USP47: variants seen among roughly 807,000 people sequenced by gnomAD.
USP47 encodes the protein ubiquitin specific peptidase 47, also known as ubiquitin carboxyl-terminal hydrolase 47.
In USP47, 35 loss-of-function variants were observed where a neutral mutation model predicts 165.1. The observed-to-expected ratio is 0.21, with a 90% CI of 0.16 to 0.28. The LOEUF (loss-of-function observed/expected upper bound fraction) is 0.28, where lower values mean the gene tolerates loss of function less well. Ranked by LOEUF, USP47 falls within the 10% of genes least tolerant of loss-of-function variation. USP47 has a pLI of 1.00. For missense variants in USP47, 1,277 were observed against 1,607.4 expected (o/e 0.79, Z 3.52); for synonymous variants, 531 against 544.5 (o/e 0.98, Z 0.35).
chr11:11,948,778 A>G (rs897192040), intron 22 of USP47: 16 of 397,008 alleles, frequency 4.0e-5, no homozygotes, highest in Middle Eastern at 6.7e-4. Context: ...TGAGATGGCT[A>G]TGTCTCAACA....
At chr11:11,863,141 T>G (rs906897028) in intron 1 of USP47, among the ~76,000 whole-genome samples, 9 of 152,210 alleles carry the variant, frequency 5.9e-5, no homozygotes, top group Admixed American at 5.2e-4. Context: ...TAGAGATTGT[T>G]TATTAGAAAG....
chr11:11,914,614 G>A (rs10765905), intron 8 of USP47, among the ~76,000 whole-genome samples: 32,992 of 151,658 alleles, frequency 0.22, 4,294 homozygotes, highest in Non-Finnish European at 0.29. Context: ...ATATTTGCAA[G>A]CTGTCTATCT....
At chr11:11,873,364 T>A (rs1011361665) in intron 1 of USP47, among the ~76,000 whole-genome samples, 3 of 152,138 alleles carry the variant, frequency 2.0e-5, no homozygotes, top group Non-Finnish European at 4.4e-5. Context: ...GAAGGAGATA[T>A]ATATTAAAAT....
intron 1 of USP47, among the ~76,000 whole-genome samples, chr11:11,853,323 T>G (rs1446638284): frequency 6.6e-6 from 1 of 152,210 alleles, no homozygotes; most frequent in Non-Finnish European, 1.5e-5. Flanking sequence ...TCAGGCAGCA[T>G]GTGTAGGTGG....
chr11:11,864,877 A>G (rs1329223282), intron 1 of USP47, among the ~76,000 whole-genome samples: 1 of 151,976 alleles, frequency 6.6e-6, no homozygotes, highest in East Asian at 1.9e-4. Flanking sequence ...TCATCTGAGA[A>G]TGTCTTGATT....
At chr11:11,899,193 G>T (rs1852035320) in intron 5 of USP47, among the ~76,000 whole-genome samples, 1 of 152,200 alleles carries the variant, frequency 6.6e-6, no homozygotes, top group Non-Finnish European at 1.5e-5. Flanking sequence ...AGAGTTCAGA[G>T]CCTGCTCTCA....
chr11:11,909,682 T>G (rs1852823342), intron 8 of USP47, among the ~76,000 whole-genome samples: 1 of 152,208 alleles, frequency 6.6e-6, no homozygotes, highest in South Asian at 2.1e-4. Context: ...TTACGTACAT[T>G]TAAATACCTG....
Position 11,867,957 on chromosome 11 carries a change from C to G in USP47, c.40-12220C>G, listed in dbSNP as rs553680690. On this transcript the variant is annotated intron_variant, in intron 1 of 27. Transcript: ENST00000527733. The stretch of plus-strand genomic sequence containing the variant: ...TCATGAAGACCAGCATGTGGTTGCA[C>G]GTTCTTAGGAGTACCCTCCTCCCAT... 6.6e-5 allele frequency among the ~76,000 whole-genome samples: 10 copies of G among 152,142 alleles called. No individual in the cohort carries two copies. In the South Asian group the frequency reaches 1.9e-3, roughly 28 times the overall value.
intron 1 of USP47, among the ~76,000 whole-genome samples, chr11:11,857,325 C>A (rs1347001762): frequency 1.3e-5 from 2 of 151,884 alleles, no homozygotes; most frequent in African/African-American, 4.8e-5. Flanking sequence ...TATTTTATAT[C>A]TATTTATAGT....
At chr11:11,954,752 G>A in intron 25 of USP47, 145 bp from the exon 26 acceptor site, 1 of 854,038 alleles carries the variant, frequency 1.2e-6, no homozygotes, top group Non-Finnish European at 1.8e-6. Flanking sequence ...TATTTGCAGG[G>A]TGGCCGCTTT....
At position 11,942,580 on chromosome 11, in the gene USP47, A is replaced by C. The variant is rs768170066; in HGVS notation, c.2559A>C (p.Leu853=). 2 of 1,613,554 alleles carry C rather than the reference A, an allele frequency of 1.2e-6. No individual in the cohort carries two copies. The highest frequency in any genetic ancestry group is 1.7e-6 in the Non-Finnish European group (2 of 1,179,742). ...VGSLKSVEAI[L]EESTEKLKSL... Reference sequence around the variant, plus strand: ...GCCTAAAGTCTGTGGAAGCTATTCTAGAAGAAAGCACTGAAAAACTCAAAA... The same window carrying C: ...GCCTAAAGTCTGTGGAAGCTATTCTCGAAGAAAGCACTGAAAAACTCAAAA... The change falls in exon 20 of 28, where the codon CTA becomes CTC. Residue 853 remains leucine (L), a synonymous_variant. Transcript: ENST00000527733.
chr11:11,905,805 T>C (rs936909488), intron 8 of USP47, among the ~76,000 whole-genome samples: 1 of 143,392 alleles, frequency 7.0e-6, no homozygotes, highest in African/African-American at 2.7e-5. Context: ...GATAGGTGAT[T>C]AGATGATTTC....
intron 1 of USP47, among the ~76,000 whole-genome samples, chr11:11,879,785 A>C (rs1342290828): frequency 6.6e-6 from 1 of 152,050 alleles, no homozygotes; most frequent in Non-Finnish European, 1.5e-5. Flanking sequence ...ACCCAGAAAT[A>C]TTTGATTTGA....
At chr11:11,885,558 A>G (rs143689902) in intron 3 of USP47, among the ~76,000 whole-genome samples, 3,032 of 152,186 alleles carry the variant, frequency 0.02, 330 homozygotes, top group Admixed American at 0.18. Flanking sequence ...AGCCCACGCC[A>G]CCAGGGTCTT....
chr11:11,877,803 CTCTGTGTGTGTGTGTGTGTG>C (rs1367088571), intron 1 of USP47, among the ~76,000 whole-genome samples: 2 of 42,994 alleles, frequency 4.7e-5, no homozygotes, highest in African/African-American at 1.6e-4. Context: ...CTCTCTCTCT[CTCTGTGTGTGTGTGTGTGTG>C]TGTGTGTGTG....
In USP47 at chr11:11,929,532, G is replaced by A. The variant is rs1186231628; in HGVS notation, c.1485G>A (p.Gln495=). ...GTATAAAGTCATTCAGTGATGAGCA[G>A]TGGTACAGCTTCAATGATCAACATG... ...YACIKSFSDE[Q]WYSFNDQHVS... The change falls in exon 12 of 28, where the codon CAG becomes CAA. Residue 495 remains glutamine, a synonymous_variant. Coordinates refer to ENST00000527733, the MANE Select transcript of USP47 (RefSeq NM_001282659.2). 1 of 1,613,118 alleles carries A rather than the reference G, an allele frequency of 6.2e-7. No individual in the cohort carries two copies. The highest frequency in any genetic ancestry group is 8.5e-7 in the Non-Finnish European group (1 of 1,179,360).
At chr11:11,857,765 G>C (rs997579556) in intron 1 of USP47, among the ~76,000 whole-genome samples, 1 of 152,198 alleles carries the variant, frequency 6.6e-6, no homozygotes, top group Non-Finnish European at 1.5e-5. Flanking sequence ...AAGTACCTCT[G>C]GTTGGTTGCA....
chr11:11,925,293 A>G (rs748679544), intron 11 of USP47, among the ~76,000 whole-genome samples: 3 of 151,930 alleles, frequency 2.0e-5, no homozygotes, highest in Non-Finnish European at 4.4e-5. Flanking sequence ...TATTTTTAGT[A>G]GAGATGGGGT....
chr11:11,860,818 GT>G (rs1849337598), intron 1 of USP47, among the ~76,000 whole-genome samples: 1 of 152,192 alleles, frequency 6.6e-6, no homozygotes, highest in African/African-American at 2.4e-5. Context: ...TTATCAGTGG[GT>G]TACCCATTGC....
Sources: gnomAD v4.1 joint callset for allele counts (sites outside exome capture counted in the v4.1 genomes callset) on GRCh38, gnomAD v4.1.1 for gene constraint, MANE v1.5 for transcripts, NCBI Gene and HGNC (gene_info 2026-07-23, HGNC 2026-07-21) for gene names.